ROBO2: variants seen among roughly 807,000 people sequenced by gnomAD.
ROBO2 encodes the protein roundabout guidance receptor 2.
A neutral mutation model predicts 160.8 loss-of-function variants in ROBO2; 53 were observed. The ratio of observed to expected loss-of-function variants is 0.33; its 90% CI spans 0.26 to 0.41. The LOEUF (loss-of-function observed/expected upper bound fraction) is 0.41, where lower values mean the gene tolerates loss of function less well. Ranked by LOEUF, ROBO2 falls within the 10% of genes least tolerant of loss-of-function variation. The pLI is 1.00. For missense variants in ROBO2, 1,577 were observed against 1,722.4 expected, an observed-to-expected ratio of 0.92 and a Z score of 1.49; for synonymous variants, 664 against 611.7, an observed-to-expected ratio of 1.09 and a Z score of -1.26.
At chr3:76,866,869 C>T (rs965265872) in intron 2 of ROBO2, among the ~76,000 whole-genome samples, 1 of 152,094 alleles carries the variant, frequency 6.6e-6, no homozygotes, top group Non-Finnish European at 1.5e-5. Flanking sequence ...ACATCTCAAC[C>T]ACTACCTCCC....
intron 1 of ROBO2, among the ~76,000 whole-genome samples, chr3:77,084,363 A>G (rs2069036105): frequency 1.3e-5 from 2 of 152,116 alleles, no homozygotes; most frequent in Admixed American, 1.3e-4. Flanking sequence ...ATAAGATCCA[A>G]CTTATCAGAG....
intron 2 of ROBO2, among the ~76,000 whole-genome samples, chr3:77,187,308 A>T (rs1579776830): frequency 6.6e-6 from 1 of 151,970 alleles, no homozygotes; most frequent in African/African-American, 2.4e-5. Flanking sequence ...GGTTAAAATG[A>T]AATATACCTA....
chr3:76,834,171 T>TTCTTTCTC (rs755070628), intron 2 of ROBO2, among the ~76,000 whole-genome samples: 1,447 of 117,084 alleles, frequency 0.012, 79 homozygotes, highest in African/African-American at 0.043. Flanking sequence ...CTTTCTTTCT[T>TTCTTTCTC]TCTCTCTCTC....
intron 6 of ROBO2, among the ~76,000 whole-genome samples, chr3:77,541,751 T>A (rs1390883830): frequency 6.6e-6 from 1 of 152,208 alleles, no homozygotes; most frequent in Non-Finnish European, 1.5e-5. Context: ...ACATCATAGT[T>A]AACAAAAGAT....
intron 2 of ROBO2, among the ~76,000 whole-genome samples, chr3:76,025,039 TTTTA>T (rs1322849135): frequency 6.7e-6 from 1 of 149,008 alleles, no homozygotes; most frequent in East Asian, 1.9e-4. Flanking sequence ...TATATGTGAA[TTTTA>T]TTTATTTCTA....
intron 2 of ROBO2, among the ~76,000 whole-genome samples, chr3:75,974,737 G>A (rs752557792): frequency 3.3e-5 from 5 of 151,508 alleles, no homozygotes; most frequent in African/African-American, 4.8e-5. Context: ...GAAAAGTTTA[G>A]TGTGTTGTAA....
intron 2 of ROBO2, among the ~76,000 whole-genome samples, chr3:77,364,292 T>C (rs928254969): frequency 3.9e-5 from 6 of 152,048 alleles, no homozygotes; most frequent in Non-Finnish European, 7.4e-5. Context: ...TCTAGTGTGG[T>C]GCCTCCCAGG....
chr3:76,158,110 A>G (rs1213918841), intron 2 of ROBO2, among the ~76,000 whole-genome samples: 1 of 152,160 alleles, frequency 6.6e-6, no homozygotes, highest in Non-Finnish European at 1.5e-5. Context: ...GGTTTAGTCT[A>G]TCATTATGCC....
chr3:75,938,074 G>A (rs1382791266), intron 2 of ROBO2, among the ~76,000 whole-genome samples: 1 of 151,660 alleles, frequency 6.6e-6, no homozygotes, highest in Non-Finnish European at 1.5e-5. Flanking sequence ...ATTCTTAAAG[G>A]ATGTGATGTT....
chr3:77,455,577 A>G (rs1038200170), intron 2 of ROBO2, among the ~76,000 whole-genome samples: 3 of 151,986 alleles, frequency 2.0e-5, no homozygotes, highest in Non-Finnish European at 4.4e-5. Context: ...GATTACAGGC[A>G]CACACCACCA....
chr3:77,030,105 C>T (rs1012446831), intron 2 of ROBO2, among the ~76,000 whole-genome samples: 23 of 151,942 alleles, frequency 1.5e-4, no homozygotes, highest in South Asian at 2.1e-4. Flanking sequence ...CCACCACGCC[C>T]GGCTAATTTT....
chr3:76,641,167 G>T (rs2090656786), intron 2 of ROBO2, among the ~76,000 whole-genome samples: 1 of 152,054 alleles, frequency 6.6e-6, no homozygotes, highest in Non-Finnish European at 1.5e-5. Flanking sequence ...AGAGAAACAG[G>T]ATACAGGCAT....
intron 2 of ROBO2, among the ~76,000 whole-genome samples, chr3:76,197,214 G>A (rs1702301455): frequency 7.7e-6 from 1 of 129,930 alleles, no homozygotes; most frequent in Admixed American, 7.3e-5. Flanking sequence ...TTGGATCTGG[G>A]ACTGCCTTTC....
At chr3:77,032,001 G>A (rs980501508) in intron 2 of ROBO2, among the ~76,000 whole-genome samples, 1 of 152,050 alleles carries the variant, frequency 6.6e-6, no homozygotes, top group Admixed American at 6.6e-5. Context: ...TTCACATGGT[G>A]GAAGATACTA....
intron 2 of ROBO2, among the ~76,000 whole-genome samples, chr3:76,929,472 C>T (rs2077198483): frequency 6.6e-6 from 1 of 152,210 alleles, no homozygotes; most frequent in South Asian, 2.1e-4. Flanking sequence ...CAACACTTCA[C>T]ACAACACTCA....
At chr3:76,505,972 T>C (rs2080774296) in intron 2 of ROBO2, among the ~76,000 whole-genome samples, 1 of 152,170 alleles carries the variant, frequency 6.6e-6, no homozygotes, top group Non-Finnish European at 1.5e-5. Context: ...GTAAGTCACA[T>C]AAACAGAAAC....
intron 2 of ROBO2, among the ~76,000 whole-genome samples, chr3:76,087,403 T>C (rs1027894672): frequency 6.6e-6 from 1 of 151,968 alleles, no homozygotes; most frequent in African/African-American, 2.4e-5. Context: ...CTCACCAAGC[T>C]AGAATTCTGT....
At chr3:77,066,057 G>A (rs2066809030) in intron 1 of ROBO2, among the ~76,000 whole-genome samples, 2 of 151,992 alleles carry the variant, frequency 1.3e-5, no homozygotes, top group South Asian at 4.2e-4. Flanking sequence ...AAATGGCTCA[G>A]ACCATGTCTG....
chr3:76,985,089 T>C (rs968161415), intron 2 of ROBO2, among the ~76,000 whole-genome samples: 1 of 152,154 alleles, frequency 6.6e-6, no homozygotes, highest in Non-Finnish European at 1.5e-5. Flanking sequence ...CCTTTTCTCA[T>C]GTTCTCATTT....
Sources: allele counts gnomAD v4.1 joint callset (sites outside exome capture counted in the v4.1 genomes callset), GRCh38; gene constraint gnomAD v4.1.1; transcripts MANE v1.5; gene names NCBI Gene and HGNC (gene_info 2026-07-23, HGNC 2026-07-21).